Variants in CRMP1 observed in about 807,000 individuals in gnomAD.
CRMP1 encodes the protein collapsin response mediator protein 1.
A neutral mutation model predicts 68.3 loss-of-function variants in CRMP1; 19 were observed. That is an observed-to-expected ratio of 0.28 (90% CI 0.19 to 0.41). The LOEUF (loss-of-function observed/expected upper bound fraction) is 0.41, where lower values mean the gene tolerates loss of function less well. Among genes scored for constraint, CRMP1 ranks in the 10% least tolerant of loss-of-function variants. CRMP1 has a pLI of 1.00. For synonymous variants in CRMP1, 439 were observed against 399.6 expected, an observed-to-expected ratio of 1.10 and a Z score of -1.18; for missense variants, 791 against 967.4, an observed-to-expected ratio of 0.82 and a Z score of 2.42.
rs1398152381 is a variant in CRMP1 at position 5,820,828 on chromosome 4, C to G, written c.*932G>C. On this transcript the variant is annotated 3_prime_UTR_variant, in exon 14 of 14. Transcript: ENST00000324989. ...TTTATTTTTTCACAAGCTTTGAATT[C>G]AGAAATAAGAGCCACAACAAGTTGG... 1.3e-5 allele frequency: 2 copies of G among 152,120 alleles called. No individual in the cohort carries two copies. Among genetic ancestry groups the G allele is most frequent in the Non-Finnish European group, 2.9e-5 (2 of 68,018 alleles). 9.4% of individuals were successfully genotyped at this position (152,120 alleles called of 1,614,324 possible). A position where few individuals can be genotyped will look rare whatever the true frequency, so the allele number is the denominator to read the frequency against.
chr4:5,828,598 T>C lies in CRMP1; in HGVS notation c.1694A>G (p.Lys565Arg). 1 of 1,614,212 alleles carries C rather than the reference T, an allele frequency of 6.2e-7. No homozygotes were observed. The highest frequency in any genetic ancestry group is 8.5e-7 in the Non-Finnish European group (1 of 1,180,028). Residue 565 changes from lysine to arginine, a missense_variant, in exon 12 of 14, where the codon AAG (lysine) becomes AGG (arginine). Around this residue, in one of 3 missense-constraint regions of CRMP1, gnomAD observed 594 missense variants for 763.6 expected, o/e 0.78. Coordinates refer to ENST00000324989, the MANE Select transcript of CRMP1 (RefSeq NM_001014809.3). ...GATGTTTCCGTCTTCAAAGACGATC[T>C]TGCCCTGGCTGATGACCACTAGTGG... ...GSPLVVISQG[K>R]IVFEDGNINV...
intron 1 of CRMP1, among the ~76,000 whole-genome samples, chr4:5,882,470 G>A (rs1220622246): frequency 5.9e-5 from 9 of 152,122 alleles, no homozygotes; most frequent in Non-Finnish European, 8.8e-5. Context: ...ACCATCCCAC[G>A]GTAATAATAA....
Position 5,838,150 on chromosome 4 carries a change from T to C in CRMP1, c.1311-1244A>G, listed in dbSNP as rs760752316. 6.6e-6 allele frequency among the ~76,000 whole-genome samples: 1 copy of C among 151,902 alleles called. No homozygotes were observed. The highest frequency in any genetic ancestry group is 1.5e-5 in the Non-Finnish European group (1 of 67,988). The stretch of plus-strand genomic sequence containing the variant: ...CTGAAGGAAGTCACAGAGCAAACCA[T>C]GTGGCGTCTAAGAAAGAGGGAACTA... On this transcript the variant is annotated intron_variant, in intron 9 of 13. Transcript: ENST00000324989. This position sits in a 1 kb window ranked among gnomAD's most constrained non-coding sequence, Gnocchi z 4.9.
chr4:5,828,421 C>A, intron 12 of CRMP1, 68 bp downstream of exon 12: 1 of 1,564,170 alleles, frequency 6.4e-7, no homozygotes, highest in South Asian at 1.2e-5. Context: ...CGTCAGATCT[C>A]GATTCCCCAA....
chr4:5,861,282 A>G lies in CRMP1; in HGVS notation c.471-72T>C, dbSNP rs1713530702. ...GAATGGGCAGTCAACCCGCAGCTTC[A>G]GTTCCATGAAATAAACATTTCTGAG... is the stretch of plus-strand genomic sequence containing the variant. On this transcript the variant is annotated intron_variant, in intron 2 of 13. Coordinates refer to ENST00000324989, the MANE Select transcript of CRMP1 (RefSeq NM_001014809.3). This position sits in a 1 kb window ranked among gnomAD's most constrained non-coding sequence, Gnocchi z 6.0. 1 of 1,461,130 alleles carries G rather than the reference A, an allele frequency of 6.8e-7. No homozygotes were observed. The highest frequency in any genetic ancestry group is 1.4e-5 in the African/African-American group (1 of 71,650). The allele number at this position is 1,461,130 out of a possible 1,614,324, so 90.5% of individuals were successfully genotyped here. A position where few individuals can be genotyped will look rare whatever the true frequency, so the allele number is the denominator to read the frequency against.
intron 13 of CRMP1, chr4:5,824,246 G>T: frequency 1.0e-6 from 1 of 974,352 alleles, no homozygotes; most frequent in Non-Finnish European, 1.2e-6. Flanking sequence ...CTTTTTCCCA[G>T]GATGAAGCCA....
intron 1 of CRMP1, chr4:5,887,270 G>C (rs1577853523): frequency 1.2e-6 from 1 of 843,312 alleles, no homozygotes; most frequent in African/African-American, 1.8e-5. Flanking sequence ...CTGTCCAGGA[G>C]CCTGAATTTT....
chr4:5,821,744 C>CT lies in CRMP1; in HGVS notation c.*15dup. On this transcript the variant is annotated 3_prime_UTR_variant, in exon 14 of 14. Transcript: ENST00000324989. This position sits in a 1 kb window ranked among gnomAD's most constrained non-coding sequence, Gnocchi z 4.4. ...TTCCCAGAATCCTTCAGGCTAGCTC[C>CT]TCCGCGCATCCACGTTCAACCGAGG... 6.3e-7 allele frequency: 1 copy of CT among 1,597,574 alleles called. No homozygotes were observed. Among genetic ancestry groups the CT allele is most frequent in the Non-Finnish European group, 8.5e-7 (1 of 1,170,614 alleles).
intron 1 of CRMP1, among the ~76,000 whole-genome samples, chr4:5,867,504 C>T (rs1376409704): frequency 6.6e-6 from 1 of 152,188 alleles, no homozygotes; most frequent in Admixed American, 6.5e-5. Context: ...CAGTACAACT[C>T]CCAGTTGACA....
chr4:5,868,261 C>CCATATA (rs1714138968), intron 1 of CRMP1, among the ~76,000 whole-genome samples: 10 of 111,472 alleles, frequency 9.0e-5, no homozygotes, highest in Admixed American at 3.0e-4. Flanking sequence ...GACTATATAT[C>CCATATA]TATATATATA....
intron 1 of CRMP1, among the ~76,000 whole-genome samples, chr4:5,880,634 G>A (rs1447512542): frequency 6.6e-6 from 1 of 152,190 alleles, no homozygotes; most frequent in African/African-American, 2.4e-5. Flanking sequence ...GTGAAATGCA[G>A]CGAAGCCCAT....
rs1720601747 is a variant in CRMP1 at position 5,834,609 on chromosome 4, CAA to C, written c.1623+1304_1623+1305del. On this transcript the variant is annotated intron_variant, in intron 11 of 13. Transcript: ENST00000324989. This position sits in a 1 kb window ranked among gnomAD's most constrained non-coding sequence, Gnocchi z 4.3. ...TCTATTACAGTAGCACAAAATGGAC[CAA>C]GACACCCTCTCACTGGCAAGACCCT... 2.0e-5 allele frequency among the ~76,000 whole-genome samples: 3 copies of C among 152,112 alleles called. No homozygotes were observed. Among genetic ancestry groups the C allele is most frequent in the Non-Finnish European group, 4.4e-5 (3 of 68,026 alleles).
At position 5,893,060 on chromosome 4, in the gene CRMP1, G is replaced by A; in HGVS notation, c.-91C>T. 1 of 867,602 alleles carries A rather than the reference G, an allele frequency of 1.2e-6. No individual in the cohort carries two copies. The highest frequency in any genetic ancestry group is 1.4e-6 in the Non-Finnish European group (1 of 721,840). The allele number at this position is 867,602 out of a possible 1,614,324, so 53.7% of individuals were successfully genotyped here. On this transcript the variant is annotated 5_prime_UTR_variant, in exon 1 of 14. Transcript: ENST00000324989. ...GCGCCGCGCTCCGCGCCTCGGTGCG[G>A]GCCTGCGGCGGCCCGGGCGCGACTG...
rs58245146 is a variant in CRMP1, at chr4:5,845,567, C to T, written c.964-2406G>A. 1.6e-3 allele frequency among the ~76,000 whole-genome samples: 248 copies of T among 152,336 alleles called. 1 individual carries two copies. Among genetic ancestry groups the T allele is most frequent in the African/African-American group, 5.6e-3 (232 of 41,578 alleles). On this transcript the variant is annotated intron_variant, in intron 6 of 13. Transcript: ENST00000324989. Reference sequence around the variant, plus strand: ...GAGATGCTCACCGCCCCCAACCTGCCACTCACTATGGCCTGTGAGACCCTC... The same window carrying T: ...GAGATGCTCACCGCCCCCAACCTGCTACTCACTATGGCCTGTGAGACCCTC...
chr4:5,891,893 C>T lies in CRMP1; in HGVS notation c.381+696G>A, dbSNP rs577965435. ...GAGGCCAGAGACCCCAGTTCAAATC[C>T]CAGCTCTACCTCCACCTTGCTCTGT... On this transcript the variant is annotated intron_variant, in intron 1 of 13. Transcript: ENST00000324989. The surrounding 1 kb of genome is among the most constrained non-coding windows in gnomAD (Gnocchi z 5.2). 3.3e-5 allele frequency among the ~76,000 whole-genome samples: 5 copies of T among 152,312 alleles called. No individual in the cohort carries two copies. Among genetic ancestry groups the T allele is most frequent in the African/African-American group, 1.2e-4 (5 of 41,554 alleles).
In CRMP1 at chr4:5,893,042, G is replaced by T. The variant is rs2152478503; in HGVS notation, c.-73C>A. On this transcript the variant is annotated 5_prime_UTR_variant, in exon 1 of 14. Coordinates refer to ENST00000324989, the MANE Select transcript of CRMP1 (RefSeq NM_001014809.3). ...GGCCCTGGGCACCGCCGTGCGCCGC[G>T]CTCCGCGCCTCGGTGCGGGCCTGCG... is the stretch of plus-strand genomic sequence containing the variant. 7.0e-6 allele frequency: 7 copies of T among 1,006,438 alleles called. No homozygotes were observed. The highest frequency in any genetic ancestry group is 7.2e-6 in the Non-Finnish European group (6 of 831,538). The allele number at this position is 1,006,438 out of a possible 1,614,324, so 62.3% of individuals were successfully genotyped here. A position where few individuals can be genotyped will look rare whatever the true frequency, so the allele number is the denominator to read the frequency against.
At chr4:5,824,621 A>ATAGTT in intron 13 of CRMP1, 2 of 950,596 alleles carry the variant, frequency 2.1e-6, no homozygotes, top group African/African-American at 3.5e-5. Context: ...TGACCTGAGA[A>ATAGTT]TAGTTTGTAC....
rs1714393000 is a variant in CRMP1, at chr4:5,870,932, G to A, written c.382-4176C>T. ...CACCAGCAGCTGGTGCATGGCTTCC[G>A]GAACACGGCCGCCCCGCAGGCACCC... is the stretch of plus-strand genomic sequence containing the variant. On this transcript the variant is annotated intron_variant, in intron 1 of 13. Transcript: ENST00000324989. This position sits in a 1 kb window ranked among gnomAD's most constrained non-coding sequence, Gnocchi z 6.0. Among the ~76,000 whole-genome samples, 2 of 152,154 alleles carry A rather than the reference G, an allele frequency of 1.3e-5. No individual in the cohort carries two copies. The highest frequency in any genetic ancestry group is 2.1e-4 in the South Asian group (1 of 4,824).
intron 1 of CRMP1, among the ~76,000 whole-genome samples, chr4:5,873,444 C>T (rs1714601209): frequency 6.6e-6 from 1 of 151,536 alleles, no homozygotes; most frequent in Non-Finnish European, 1.5e-5. Context: ...GTACAGGAAG[C>T]ATGATGCTGG....
Sources: gnomAD v4.1 joint callset for allele counts (sites outside exome capture counted in the v4.1 genomes callset) on GRCh38, gnomAD v4.1.1 for gene constraint, gnomAD v4.1.1 regional missense constraint, Gnocchi (gnomAD v3.1) non-coding constraint, MANE v1.5 for transcripts, NCBI Gene and HGNC (gene_info 2026-07-23, HGNC 2026-07-21) for gene names.